RPS6KC1: variants seen among roughly 807,000 people sequenced by gnomAD.
The protein encoded by RPS6KC1 is inactive ribosomal protein S6 kinase delta-1.
RPS6KC1 carries 54 observed loss-of-function variants against 103.8 expected under a neutral mutation model. The ratio of observed to expected loss-of-function variants is 0.52; its 90% CI spans 0.42 to 0.65. RPS6KC1 has a LOEUF of 0.65. RPS6KC1 is among the 30% of genes least tolerant of loss of function. The probability of loss-of-function intolerance (pLI) is 0.00; values close to 1 mark genes in which losing one functional copy is unlikely to be tolerated. For missense variants in RPS6KC1, 1,151 were observed against 1,253.8 expected (o/e 0.92, Z 1.24); for synonymous variants, 439 against 438.7 (o/e 1.00, Z -0.01).
the RPS6KC1 span, among the ~76,000 whole-genome samples, chr1:213,856,472 C>CCTCT: frequency 1.0e-4 from 15 of 149,946 alleles, no homozygotes; most frequent in Admixed American, 1.0e-3. Context: ...TCCTTCCCTC[C>CCTCT]CTCCCTTCCC....
chr1:213,128,183 A>G (rs758183965), intron 5 of RPS6KC1, among the ~76,000 whole-genome samples: 1 of 152,230 alleles, frequency 6.6e-6, no homozygotes, highest in Non-Finnish European at 1.5e-5. Context: ...GAGCAGAATC[A>G]GATATGAGAT....
chr1:213,077,563 T>G lies in RPS6KC1; in HGVS notation c.142-133T>G, dbSNP rs73086337. ...AATATTATTAGTTAATTTCAGTCAG[T>G]TAATCATATTGTTTAGGACATGTGT... is the stretch of plus-strand genomic sequence containing the variant. On this transcript the variant is annotated intron_variant, in intron 2 of 14. Transcript: ENST00000366960. 7,455 of 438,672 alleles carry G rather than the reference T, an allele frequency of 0.017. 333 individuals are homozygous for G. Among genetic ancestry groups the G allele is most frequent in the African/African-American group, 0.12 (5,977 of 49,412 alleles). 27.2% of individuals were successfully genotyped at this position (438,672 alleles called of 1,614,324 possible).
chr1:213,736,893 G>T, the RPS6KC1 span, among the ~76,000 whole-genome samples: 1 of 152,180 alleles, frequency 6.6e-6, no homozygotes, highest in South Asian at 2.1e-4. Context: ...AGGGGTGAAA[G>T]AGAAACCTAA....
At chr1:213,332,603 A>G in the RPS6KC1 span, among the ~76,000 whole-genome samples, 21 of 152,304 alleles carry the variant, frequency 1.4e-4, no homozygotes, top group East Asian at 3.5e-3. Flanking sequence ...TCCTGCAGGT[A>G]GGTAAACTGT....
At chr1:213,754,128 A>G in the RPS6KC1 span, among the ~76,000 whole-genome samples, 2 of 152,200 alleles carry the variant, frequency 1.3e-5, no homozygotes, top group African/African-American at 2.4e-5. Context: ...GAAACAAAAC[A>G]TCATAGACCA....
chr1:213,287,466 G>A, the RPS6KC1 span, among the ~76,000 whole-genome samples: 2 of 152,194 alleles, frequency 1.3e-5, no homozygotes, highest in South Asian at 4.1e-4. Flanking sequence ...GATGTAGCAA[G>A]TGCCTCTTTG....
At chr1:213,602,433 A>G in the RPS6KC1 span, among the ~76,000 whole-genome samples, 10 of 151,432 alleles carry the variant, frequency 6.6e-5, no homozygotes, top group Admixed American at 2.0e-4. Context: ...GGGTTTTGCC[A>G]CATTGCCCAG....
chr1:213,287,509 A>G, the RPS6KC1 span, among the ~76,000 whole-genome samples: 8,077 of 152,228 alleles, frequency 0.053, 717 homozygotes, highest in African/African-American at 0.18. Context: ...AACATGTACA[A>G]CTTTATGAAA....
intron 7 of RPS6KC1, among the ~76,000 whole-genome samples, chr1:213,172,219 C>G (rs1278835323): frequency 6.6e-6 from 1 of 152,094 alleles, no homozygotes; most frequent in Admixed American, 6.5e-5. Context: ...AGAGAGAGAT[C>G]TCACTGAGAA....
intron 3 of RPS6KC1, among the ~76,000 whole-genome samples, chr1:213,103,006 A>T (rs916740715): frequency 6.6e-6 from 1 of 152,028 alleles, no homozygotes; most frequent in African/African-American, 2.4e-5. Context: ...CAGGAATTCG[A>T]CATTAGCCTG....
At chr1:213,441,560 A>G in the RPS6KC1 span, among the ~76,000 whole-genome samples, 1 of 152,216 alleles carries the variant, frequency 6.6e-6, no homozygotes, top group Admixed American at 6.5e-5. Flanking sequence ...TTTTGGGTGT[A>G]TATACCACAT....
the RPS6KC1 span, among the ~76,000 whole-genome samples, chr1:213,511,664 T>G: frequency 1.3e-5 from 2 of 152,166 alleles, no homozygotes; most frequent in Non-Finnish European, 2.9e-5. Context: ...GCTATGCAGA[T>G]CTCCTTACTT....
At chr1:213,114,876 A>C (rs1406390873) in intron 4 of RPS6KC1, among the ~76,000 whole-genome samples, 1 of 152,052 alleles carries the variant, frequency 6.6e-6, no homozygotes, top group African/African-American at 2.4e-5. Flanking sequence ...CATATATTGA[A>C]CCAGCCTTGC....
the RPS6KC1 span, among the ~76,000 whole-genome samples, chr1:213,485,316 A>G: frequency 1.3e-5 from 2 of 152,164 alleles, no homozygotes; most frequent in African/African-American, 4.8e-5. Flanking sequence ...CTCTCTATCC[A>G]TCATTGATTG....
At chr1:213,531,066 G>A in the RPS6KC1 span, among the ~76,000 whole-genome samples, 1 of 152,178 alleles carries the variant, frequency 6.6e-6, no homozygotes, top group Non-Finnish European at 1.5e-5. Flanking sequence ...GGAAGACATT[G>A]CTGAGCTGAG....
the RPS6KC1 span, among the ~76,000 whole-genome samples, chr1:213,625,319 T>C: frequency 6.6e-6 from 1 of 152,260 alleles, no homozygotes; most frequent in Non-Finnish European, 1.5e-5. Flanking sequence ...GTACTATATT[T>C]TTATATGTGT....
chr1:213,272,809 A>G lies in RPS6KC1; in HGVS notation c.*175A>G. The G allele has an allele frequency of 1.9e-6, 1 of 532,416 alleles. No individual in the cohort carries two copies. Among genetic ancestry groups the G allele is most frequent in the Non-Finnish European group, 3.4e-6 (1 of 292,210 alleles). The allele number at this position is 532,416 out of a possible 1,614,324, so 33.0% of individuals were successfully genotyped here. A position where few individuals can be genotyped will look rare whatever the true frequency, so the allele number is the denominator to read the frequency against. Reference sequence around the variant, plus strand: ...AGAACAATTCGTTTACAATTACAAGATATTAGCTAATTGTGCCAGGGGCTG... The same window carrying G: ...AGAACAATTCGTTTACAATTACAAGGTATTAGCTAATTGTGCCAGGGGCTG... On this transcript the variant is annotated 3_prime_UTR_variant, in exon 15 of 15. Transcript: ENST00000366960.
At chr1:213,848,798 C>T in the RPS6KC1 span, among the ~76,000 whole-genome samples, 1 of 151,994 alleles carries the variant, frequency 6.6e-6, no homozygotes, top group Non-Finnish European at 1.5e-5. Context: ...TGCTCTAACC[C>T]ATCTATGATT....
the RPS6KC1 span, among the ~76,000 whole-genome samples, chr1:213,327,880 C>T: frequency 2.0e-5 from 3 of 152,088 alleles, no homozygotes; most frequent in African/African-American, 7.2e-5. Context: ...AAGTCTTGGT[C>T]GTCTCATCAG....
Sources: gnomAD v4.1 joint callset for allele counts (sites outside exome capture counted in the v4.1 genomes callset) on GRCh38, gnomAD v4.1.1 for gene constraint, MANE v1.5 for transcripts, NCBI Gene and HGNC (gene_info 2026-07-23, HGNC 2026-07-21) for gene names.